NAMPT: variants seen among roughly 807,000 people sequenced by gnomAD.
The protein encoded by NAMPT is nicotinamide phosphoribosyltransferase.
A neutral mutation model predicts 58.7 loss-of-function variants in NAMPT; 7 were observed. That is an observed-to-expected ratio of 0.12 (90% confidence interval 0.07 to 0.22). The LOEUF (loss-of-function observed/expected upper bound fraction) is 0.22. Ranked by LOEUF, NAMPT falls within the 10% of genes least tolerant of loss-of-function variation. The pLI is 1.00. For missense variants in NAMPT, 271 were observed against 567.9 expected, an observed-to-expected ratio of 0.48 and a Z score of 5.31; for synonymous variants, 145 against 198.1, an observed-to-expected ratio of 0.73 and a Z score of 2.25.
chr7:106,263,373 G>C lies in NAMPT; in HGVS notation c.969+19C>G. The C allele has an allele frequency of 6.5e-7, 1 of 1,536,010 alleles. No individual in the cohort carries two copies. The highest frequency in any genetic ancestry group is 9.0e-7 in the Non-Finnish European group (1 of 1,110,168). On this transcript the variant is annotated intron_variant, in intron 7 of 10. Coordinates refer to ENST00000222553, the MANE Select transcript of NAMPT (RefSeq NM_005746.3). Reference sequence around the variant, plus strand: ...CCTACAGAGGGATTCTAATAATAAAGTTACATATGAAAATTTACCTTTAAC... The same window carrying C: ...CCTACAGAGGGATTCTAATAATAAACTTACATATGAAAATTTACCTTTAAC...
intron 8 of NAMPT, 115 bp from the exon 9 acceptor site, chr7:106,254,619 G>T: frequency 8.6e-7 from 1 of 1,162,742 alleles, no homozygotes; most frequent in South Asian, 1.5e-5. Flanking sequence ...TTATAACACG[G>T]TCAATAAATA....
chr7:106,274,036 A>G lies in NAMPT; in HGVS notation c.318+910T>C, dbSNP rs542893442. Among the ~76,000 whole-genome samples, 49 of 151,558 alleles carry G rather than the reference A, an allele frequency of 3.2e-4. 1 individual carries two copies. Among genetic ancestry groups the G allele is most frequent in the Admixed American group, 1.5e-3 (22 of 15,134 alleles). Reference sequence around the variant, plus strand: ...TGTAATAAAAGGAAACCACCACGGGATATTTAACTCTTATAATTCTATTAC... The same window carrying G: ...TGTAATAAAAGGAAACCACCACGGGGTATTTAACTCTTATAATTCTATTAC... On this transcript the variant is annotated intron_variant, in intron 3 of 10. Transcript: ENST00000222553.
At chr7:106,278,453 A>T (rs906181218) in intron 1 of NAMPT, among the ~76,000 whole-genome samples, 1 of 152,164 alleles carries the variant, frequency 6.6e-6, no homozygotes, top group Non-Finnish European at 1.5e-5. Context: ...ACAGATAGTG[A>T]TATACTAAAA....
intron 3 of NAMPT, among the ~76,000 whole-genome samples, chr7:106,274,725 C>T (rs533851319): frequency 1.3e-4 from 20 of 152,080 alleles, no homozygotes; most frequent in African/African-American, 2.9e-4. Context: ...TGTGGTGGTG[C>T]GTGCCTGTAG....
intron 1 of NAMPT, among the ~76,000 whole-genome samples, chr7:106,283,385 T>C (rs893924610): frequency 5.9e-5 from 9 of 152,202 alleles, no homozygotes; most frequent in African/African-American, 1.7e-4. Flanking sequence ...GGAAGTTGCA[T>C]TCTTCTGTTT....
At chr7:106,281,714 T>C (rs888988534) in intron 1 of NAMPT, among the ~76,000 whole-genome samples, 1 of 152,234 alleles carries the variant, frequency 6.6e-6, no homozygotes, top group African/African-American at 2.4e-5. Context: ...CACTGCTATT[T>C]GGCTTTGAAG....
intron 9 of NAMPT, chr7:106,253,623 TG>T (rs1276751883): frequency 7.8e-5 from 12 of 154,666 alleles, no homozygotes; most frequent in African/African-American, 2.6e-4. Context: ...ATCCCTCTTT[TG>T]GTACTTTTTA....
Position 106,268,446 on chromosome 7 carries a change from A to C in NAMPT, c.743+18T>G, listed in dbSNP as rs1051565573. ...GTGAAAAAATTAGTAGTTTTAAAAA[A>C]TGAACAGAATTTTTTACCTGTGTTC... is the stretch of plus-strand genomic sequence containing the variant. On this transcript the variant is annotated intron_variant, in intron 6 of 10. Transcript: ENST00000222553. 2 of 1,590,100 alleles carry C rather than the reference A, an allele frequency of 1.3e-6. No individual in the cohort carries two copies. Among genetic ancestry groups the C allele is most frequent in the Non-Finnish European group, 1.7e-6 (2 of 1,171,502 alleles).
chr7:106,263,703 T>C (rs1792356877), intron 6 of NAMPT, 86 bp from the exon 7 acceptor site: 3 of 1,015,034 alleles, frequency 3.0e-6, no homozygotes, highest in Admixed American at 2.0e-5. Flanking sequence ...TCATGTTTAC[T>C]ATACCAAACC....
rs1201510996 is a variant in NAMPT, at chr7:106,248,342, C to G, written c.*2741G>C. The G allele has an allele frequency of 6.6e-6, 1 of 152,506 alleles. No homozygotes were observed. The highest frequency in any genetic ancestry group is 1.5e-5 in the Non-Finnish European group (1 of 67,986). The allele number at this position is 152,506 out of a possible 1,614,324, so 9.4% of individuals were successfully genotyped here. ...TTCCATGTTTATTACATGTTTATAACTTGATGTTGAGTACATATTAGAATA... is the reference window on the plus strand; with the variant it reads ...TTCCATGTTTATTACATGTTTATAAGTTGATGTTGAGTACATATTAGAATA... On this transcript the variant is annotated 3_prime_UTR_variant, in exon 11 of 11. Coordinates refer to ENST00000222553, the MANE Select transcript of NAMPT (RefSeq NM_005746.3).
chr7:106,282,437 G>A (rs1393050986), intron 1 of NAMPT, among the ~76,000 whole-genome samples: 1 of 152,150 alleles, frequency 6.6e-6, no homozygotes, highest in Non-Finnish European at 1.5e-5. Flanking sequence ...GACCCTTTGA[G>A]AAGCAACCTA....
chr7:106,272,100 A>G, intron 4 of NAMPT: 1 of 392,668 alleles, frequency 2.5e-6, no homozygotes, highest in South Asian at 2.0e-5. Context: ...AGATCCTAAG[A>G]CCTAAACTGA....
intron 1 of NAMPT, among the ~76,000 whole-genome samples, chr7:106,278,087 C>T (rs970391720): frequency 1.3e-5 from 2 of 152,164 alleles, no homozygotes; most frequent in Non-Finnish European, 2.9e-5. Context: ...TAAATCTTTG[C>T]AGACCATTTT....
At chr7:106,254,840 G>A (rs1255703417) in intron 8 of NAMPT, among the ~76,000 whole-genome samples, 4 of 152,120 alleles carry the variant, frequency 2.6e-5, no homozygotes, top group African/African-American at 9.7e-5. Flanking sequence ...CATTCACCTC[G>A]TTAAGTTATT....
Position 106,248,742 on chromosome 7 carries a change from T to C in NAMPT, c.*2341A>G, listed in dbSNP as rs1792059703. Reference sequence around the variant, plus strand: ...TTAAATCCATAAATGCCATTTGCTTTTGTCTGGAAGATTTAGACTGATTTA... The same window carrying C: ...TTAAATCCATAAATGCCATTTGCTTCTGTCTGGAAGATTTAGACTGATTTA... On this transcript the variant is annotated 3_prime_UTR_variant, in exon 11 of 11. Coordinates refer to ENST00000222553, the MANE Select transcript of NAMPT (RefSeq NM_005746.3). 1 of 152,118 alleles carries C rather than the reference T, an allele frequency of 6.6e-6. No homozygotes were observed. Among genetic ancestry groups the C allele is most frequent in the Non-Finnish European group, 1.5e-5 (1 of 67,988 alleles). The allele number at this position is 152,118 out of a possible 1,614,324, so 9.4% of individuals were successfully genotyped here.
chr7:106,261,837 C>A, intron 7 of NAMPT, 130 bp from the exon 8 acceptor site: 1 of 943,220 alleles, frequency 1.1e-6, no homozygotes, highest in Non-Finnish European at 1.6e-6. Flanking sequence ...AATTTTATAA[C>A]ACTATGTATA....
At chr7:106,252,785 A>T (rs1020379789) in intron 10 of NAMPT, among the ~76,000 whole-genome samples, 1 of 152,148 alleles carries the variant, frequency 6.6e-6, no homozygotes. Context: ...ACTTGCTGTC[A>T]ATCACTATAC....
intron 1 of NAMPT, among the ~76,000 whole-genome samples, chr7:106,279,770 T>C (rs1031848530): frequency 5.3e-5 from 8 of 152,290 alleles, no homozygotes; most frequent in African/African-American, 1.2e-4. Context: ...AAAAAATATA[T>C]TAATTTCAGA....
In NAMPT at chr7:106,275,397, G is replaced by A. The variant is rs73422735; in HGVS notation, c.215-348C>T. 581 of 157,680 alleles carry A rather than the reference G, an allele frequency of 3.7e-3. 3 individuals are homozygous for A. Among genetic ancestry groups the A allele is most frequent in the African/African-American group, 0.013 (553 of 41,676 alleles). The allele number at this position is 157,680 out of a possible 1,614,324, so 9.8% of individuals were successfully genotyped here. ...AAAGCTTCTTACATCCAAATGAAAC[G>A]TCTCACTTCGTTCGTAAAGAATGTG... is the stretch of plus-strand genomic sequence containing the variant. On this transcript the variant is annotated intron_variant, in intron 2 of 10. Transcript: ENST00000222553.
Sources: gnomAD v4.1 joint callset for allele counts (sites outside exome capture counted in the v4.1 genomes callset) on GRCh38, gnomAD v4.1.1 for gene constraint, MANE v1.5 for transcripts, NCBI Gene and HGNC (gene_info 2026-07-23, HGNC 2026-07-21) for gene names.